The following FAP variants were observed in gnomAD, a reference collection of about 807,000 sequenced individuals.
The protein encoded by FAP is fibroblast activation protein alpha, also known as prolyl endopeptidase FAP.
FAP carries 110 observed loss-of-function variants against 126.5 expected under a neutral mutation model. The ratio of observed to expected loss-of-function variants is 0.87; its 90% confidence interval spans 0.74 to 1.02. The LOEUF (loss-of-function observed/expected upper bound fraction) is 1.02, where lower values mean the gene tolerates loss of function less well. Among genes scored for constraint, FAP ranks in the 50% least tolerant of loss-of-function variants. The probability of loss-of-function intolerance (pLI) is 0.00; values close to 1 mark genes in which losing one functional copy is unlikely to be tolerated. For synonymous variants in FAP, 334 were observed against 297.3 expected (o/e 1.12, Z -1.27); for missense variants, 919 against 909.2 (o/e 1.01, Z -0.14).
intron 8 of FAP, 54 bp from the exon 9 acceptor site, chr2:162,218,194 A>C (rs900212706): frequency 1.3e-5 from 15 of 1,190,954 alleles, no homozygotes; most frequent in Non-Finnish European, 1.5e-5. Context: ...TCTTAAAATC[A>C]TTGTAAATAC....
intron 2 of FAP, among the ~76,000 whole-genome samples, chr2:162,230,660 T>G (rs1015351947): frequency 6.6e-6 from 1 of 152,120 alleles, no homozygotes; most frequent in Non-Finnish European, 1.5e-5. Flanking sequence ...TTTGCCTTCA[T>G]TTAAATATTT....
intron 2 of FAP, among the ~76,000 whole-genome samples, chr2:162,233,423 A>C (rs1689979609): frequency 6.6e-6 from 1 of 151,990 alleles, no homozygotes; most frequent in Non-Finnish European, 1.5e-5. Context: ...GCTCCTCTGC[A>C]ATTTCATTCC....
intron 21 of FAP, among the ~76,000 whole-genome samples, chr2:162,181,380 A>G (rs1053221623): frequency 1.3e-5 from 2 of 152,184 alleles, no homozygotes; most frequent in Non-Finnish European, 2.9e-5. Context: ...TAGGTGGCCT[A>G]AAGACTATTA....
At chr2:162,227,714 C>T (rs575920108) in intron 2 of FAP, among the ~76,000 whole-genome samples, 12 of 152,222 alleles carry the variant, frequency 7.9e-5, no homozygotes, top group East Asian at 1.9e-4. Flanking sequence ...CTACAGACAC[C>T]GGCTGGTGTG....
chr2:162,243,409 C>A lies in FAP; in HGVS notation c.-82G>T. On this transcript the variant is annotated 5_prime_UTR_variant, in exon 1 of 26. Coordinates refer to ENST00000188790, the MANE Select transcript of FAP (RefSeq NM_004460.5). The stretch of plus-strand genomic sequence containing the variant: ...ATCTGTGAAAACCGTTGAAAAGGAC[C>A]AAGTCTGTCTTTGTAGTTGGAAGCT... 2 of 1,555,420 alleles carry A rather than the reference C, an allele frequency of 1.3e-6. No homozygotes were observed. Among genetic ancestry groups the A allele is most frequent in the East Asian group, 2.3e-5 (1 of 42,734 alleles).
chr2:162,190,956 A>G (rs754830026), intron 17 of FAP, among the ~76,000 whole-genome samples: 1 of 152,146 alleles, frequency 6.6e-6, no homozygotes, highest in African/African-American at 2.4e-5. Flanking sequence ...TGAATTTCAC[A>G]TTAACTTTGG....
chr2:162,241,817 C>G (rs969852764), intron 2 of FAP, among the ~76,000 whole-genome samples: 6 of 152,180 alleles, frequency 3.9e-5, no homozygotes, highest in African/African-American at 1.4e-4. Context: ...AGAGCAGAAA[C>G]AAAGACTGAA....
At chr2:162,190,613 G>A (rs1447237823) in intron 17 of FAP, among the ~76,000 whole-genome samples, 1 of 152,072 alleles carries the variant, frequency 6.6e-6, no homozygotes, top group African/African-American at 2.4e-5. Context: ...TTTTGAACCT[G>A]GGATTGATAT....
chr2:162,243,282 C>A, intron 1 of FAP, 40 bp downstream of exon 1: 2 of 1,469,780 alleles, frequency 1.4e-6, no homozygotes, highest in Non-Finnish European at 1.9e-6. Context: ...ATCCAGCCAA[C>A]CCTAATTTTT....
intron 12 of FAP, among the ~76,000 whole-genome samples, chr2:162,207,714 A>AT (rs549071406): frequency 0.037 from 5,234 of 141,700 alleles, 281 homozygotes; most frequent in African/African-American, 0.11. Flanking sequence ...CACTGAGGGC[A>AT]TTTTTTTTTT....
chr2:162,203,130 G>A lies in FAP; in HGVS notation c.1063C>T (p.Pro355Ser), dbSNP rs753894661. 2.5e-6 allele frequency: 4 copies of A among 1,611,048 alleles called. No homozygotes were observed. Among genetic ancestry groups the A allele is most frequent in the Admixed American group, 3.3e-5 (2 of 59,908 alleles). ...GWAGGFFVSTPVFSYDAISYY... is the reference protein window; with the variant it reads ...GWAGGFFVSTSVFSYDAISYY... ...GAAATGGCATCATAGCTGAAAACTG[G>A]TGTTGAAACAAAGAACTGAAAAAAA... Residue 355 changes from proline (P) to serine (S), a missense_variant, in exon 13 of 26, where the codon CCA (proline) becomes TCA (serine). Physicochemically the swap from Pro to Ser is moderately conservative, Grantham distance 74 (BLOSUM62 -1). Transcript: ENST00000188790.
chr2:162,196,276 C>T (rs755050245), intron 16 of FAP, among the ~76,000 whole-genome samples: 1 of 152,154 alleles, frequency 6.6e-6, no homozygotes, highest in East Asian at 1.9e-4. Context: ...ATTTATTAGG[C>T]TCCCTCAAGA....
In FAP at chr2:162,213,522, T is replaced by G. The variant is rs116825201; in HGVS notation, c.1002+416A>C. Among the ~76,000 whole-genome samples, 504 of 152,224 alleles carry G rather than the reference T, an allele frequency of 3.3e-3. 3 individuals are homozygous for G. Among genetic ancestry groups the G allele is most frequent in the African/African-American group, 0.012 (486 of 41,528 alleles). On this transcript the variant is annotated intron_variant, in intron 11 of 25. Transcript: ENST00000188790. The stretch of plus-strand genomic sequence containing the variant: ...TTAACATTGAATAGAACATGCCCCA[T>G]TTGCATTTCTTCTCTGGTTCTTTTG...
At chr2:162,173,047 G>A (rs1687370263) in intron 24 of FAP, 102 bp downstream of exon 24, 2 of 1,194,202 alleles carry the variant, frequency 1.7e-6, no homozygotes, top group Non-Finnish European at 2.5e-6. Flanking sequence ...TGACTCTTAG[G>A]TACTGACCCT....
intron 16 of FAP, chr2:162,197,623 A>G (rs1272202857): frequency 2.2e-6 from 1 of 456,566 alleles, no homozygotes; most frequent in Non-Finnish European, 4.4e-6. Flanking sequence ...ATTCATGTCC[A>G]CGTAGTCAAA....
intron 19 of FAP, 56 bp from the exon 20 acceptor site, chr2:162,188,419 C>T: frequency 2.7e-6 from 4 of 1,460,200 alleles, no homozygotes; most frequent in Admixed American, 3.7e-5. Flanking sequence ...AACTCAATTT[C>T]CCATCCTGGC....
At chr2:162,173,827 G>A in intron 22 of FAP, 40 bp from the exon 23 acceptor site, 3 of 1,271,286 alleles carry the variant, frequency 2.4e-6, no homozygotes, top group Non-Finnish European at 3.4e-6. Flanking sequence ...TGCATGTGAT[G>A]AATGTCATTT....
rs755181584 is a variant in FAP, at chr2:162,194,740, T to G, written c.1411A>C (p.Ile471Leu). 3 of 1,613,644 alleles carry G rather than the reference T, an allele frequency of 1.9e-6. No homozygotes were observed. The South Asian group carries it at 3.3e-5, about 18-fold the overall frequency. Reference protein sequence around the residue: ...YYALVCYGPGIPISTLHDGRT... With the variant: ...YYALVCYGPGLPISTLHDGRT... Reference sequence around the variant, plus strand: ...CCATCATGAAGGGTGGAAATGGGGATGCCTGGGCCTGTGGGCAGGATGAAA... The same window carrying G: ...CCATCATGAAGGGTGGAAATGGGGAGGCCTGGGCCTGTGGGCAGGATGAAA... The change falls in exon 17 of 26, where the codon ATC becomes CTC. Residue 471 changes from isoleucine to leucine, a missense_variant. Coordinates refer to ENST00000188790, the MANE Select transcript of FAP (RefSeq NM_004460.5).
intron 16 of FAP, among the ~76,000 whole-genome samples, chr2:162,196,462 AT>A (rs367696126): frequency 9.2e-5 from 14 of 151,960 alleles, no homozygotes; most frequent in African/African-American, 3.4e-4. Context: ...ATCAACCAGC[AT>A]CTACCCTGTG....
Sources: allele counts gnomAD v4.1 joint callset (sites outside exome capture counted in the v4.1 genomes callset), GRCh38; gene constraint gnomAD v4.1.1; transcripts MANE v1.5; gene names NCBI Gene and HGNC (gene_info 2026-07-23, HGNC 2026-07-21).